HEXB: variants seen among roughly 807,000 people sequenced by gnomAD.
The protein encoded by HEXB is hexosaminidase subunit beta.
HEXB carries 51 observed loss-of-function variants against 71.2 expected under a neutral mutation model. The ratio of observed to expected loss-of-function variants is 0.72; its 90% CI spans 0.57 to 0.90. The LOEUF is 0.90. HEXB is among the 40% of genes least tolerant of loss of function. The pLI, the probability that HEXB is intolerant of heterozygous loss-of-function variation, is 0.00. For missense variants in HEXB, 617 were observed against 677.0 expected (o/e 0.91, Z 0.98); for synonymous variants, 266 against 249.3 (o/e 1.07, Z -0.63).
At chr5:74,669,288 A>G (rs1007486324) in intron 1 of HEXB, among the ~76,000 whole-genome samples, 1 of 152,146 alleles carries the variant, frequency 6.6e-6, no homozygotes, top group African/African-American at 2.4e-5. Context: ...TCGACATACA[A>G]AATTTAATTT....
intron 1 of HEXB, among the ~76,000 whole-genome samples, chr5:74,643,025 A>C (rs1747935297): frequency 6.6e-6 from 1 of 152,232 alleles, no homozygotes; most frequent in Non-Finnish European, 1.5e-5. Context: ...ACAAGAGAAA[A>C]GAAATTAGCT....
At chr5:74,653,898 T>C (rs1420150252) in intron 1 of HEXB, among the ~76,000 whole-genome samples, 1 of 152,118 alleles carries the variant, frequency 6.6e-6, no homozygotes, top group African/African-American at 2.4e-5. Context: ...CAGAGACTAG[T>C]AGGGGTGTGG....
At chr5:74,713,119 G>A (rs17670605) in intron 6 of HEXB, among the ~76,000 whole-genome samples, 20,676 of 152,166 alleles carry the variant, frequency 0.14, 1,693 homozygotes, top group Admixed American at 0.2. Flanking sequence ...TTACATGGAA[G>A]TTGAAACAGC....
At chr5:74,709,711 C>T (rs1348131075) in intron 6 of HEXB, among the ~76,000 whole-genome samples, 3 of 152,192 alleles carry the variant, frequency 2.0e-5, no homozygotes, top group South Asian at 2.1e-4. Flanking sequence ...AATTCCTCCA[C>T]ACATATACTC....
chr5:74,645,488 G>A (rs973229271), intron 1 of HEXB, among the ~76,000 whole-genome samples: 4 of 152,168 alleles, frequency 2.6e-5, no homozygotes, highest in Non-Finnish European at 5.9e-5. Context: ...TCTTTGTCCC[G>A]TAAGTACTAA....
At chr5:74,705,089 C>CT in intron 5 of HEXB, 130 bp from the exon 6 acceptor site, 1 of 524,062 alleles carries the variant, frequency 1.9e-6, no homozygotes, top group Non-Finnish European at 3.3e-6. Context: ...GAGACCCTGT[C>CT]TCAAAAAAAA....
chr5:74,685,412 A>G lies in HEXB; in HGVS notation c.152A>G (p.Lys51Arg). 6.3e-7 allele frequency: 1 copy of G among 1,597,920 alleles called. No homozygotes were observed. The highest frequency in any genetic ancestry group is 8.5e-7 in the Non-Finnish European group (1 of 1,174,578). ...GCTCGGGCCCCGAGCGTCTCGGCCA[A>G]GCCGGGGCCGGCGCTGTGGCCCCTG... ...EAARAPSVSA[K>R]PGPALWPLPL... The change falls in exon 1 of 14, where the codon AAG becomes AGG. Residue 51 changes from lysine to arginine, a missense_variant. Coordinates refer to ENST00000261416, the MANE Select transcript of HEXB (RefSeq NM_000521.4).
intron 1 of HEXB, among the ~76,000 whole-genome samples, chr5:74,668,461 A>G (rs1483767097): frequency 6.6e-6 from 1 of 152,158 alleles, no homozygotes; most frequent in Non-Finnish European, 1.5e-5. Context: ...TGGCAAGAGA[A>G]TAGGATGTGC....
chr5:74,685,965 T>TGA (rs1434536796), intron 1 of HEXB, among the ~76,000 whole-genome samples: 1 of 152,104 alleles, frequency 6.6e-6, no homozygotes, highest in Non-Finnish European at 1.5e-5. Flanking sequence ...CCCCCAAAGC[T>TGA]GACTGTCATT....
intron 2 of HEXB, chr5:74,693,369 T>C: frequency 3.9e-6 from 2 of 512,312 alleles, no homozygotes; most frequent in Non-Finnish European, 7.1e-6. Context: ...GACTGGATGG[T>C]GGTGCTGTGA....
At chr5:74,682,183 C>A (rs899997369), upstream of HEXB, among the ~76,000 whole-genome samples, 1 of 152,142 alleles carries the variant, frequency 6.6e-6, no homozygotes, top group African/African-American at 2.4e-5. Flanking sequence ...ACGGTGAAAC[C>A]CCATCTCTAC....
At chr5:74,686,671 G>T (rs1477188668) in intron 1 of HEXB, among the ~76,000 whole-genome samples, 1 of 152,146 alleles carries the variant, frequency 6.6e-6, no homozygotes, top group Non-Finnish European at 1.5e-5. Context: ...AACTAAATGG[G>T]TATTATCAGT....
intron 5 of HEXB, among the ~76,000 whole-genome samples, chr5:74,701,650 C>G (rs945582564): frequency 2.0e-5 from 3 of 151,990 alleles, no homozygotes; most frequent in Non-Finnish European, 4.4e-5. Context: ...AAGTCTTAAA[C>G]TTAGGGAAAA....
chr5:74,674,252 C>T (rs1260292718), intron 1 of HEXB, among the ~76,000 whole-genome samples: 1 of 152,056 alleles, frequency 6.6e-6, no homozygotes. Flanking sequence ...TCTAAACAAA[C>T]TAGAACAAAG....
intron 6 of HEXB, 106 bp from the exon 7 acceptor site, chr5:74,713,400 G>A: frequency 9.6e-7 from 1 of 1,036,894 alleles, no homozygotes; most frequent in Non-Finnish European, 1.5e-6. Context: ...CATTGTCATA[G>A]TGAAAAAATT....
chr5:74,714,149 A>G (rs1396346868), intron 7 of HEXB, among the ~76,000 whole-genome samples: 2 of 152,074 alleles, frequency 1.3e-5, no homozygotes, highest in African/African-American at 2.4e-5. Flanking sequence ...GTTGTATTTT[A>G]TAAGTTGCAA....
chr5:74,691,597 A>G (rs1453851414), intron 2 of HEXB, among the ~76,000 whole-genome samples: 1 of 152,346 alleles, frequency 6.6e-6, no homozygotes, highest in African/African-American at 2.4e-5. Context: ...CCCTGTTTAT[A>G]TATCAACACA....
In HEXB at chr5:74,697,523, C is replaced by T. The variant is rs1406336221; in HGVS notation, c.669+417C>T. Among the ~76,000 whole-genome samples, 3 of 152,014 alleles carry T rather than the reference C, an allele frequency of 2.0e-5. No homozygotes were observed. In the East Asian group the frequency reaches 5.8e-4, roughly 29 times the overall value. ...GGTGGATCACCTGAGGTCAGGAGTT[C>T]GAGACCAGCCTGGCCAACATGGCCA... is the stretch of plus-strand genomic sequence containing the variant. On this transcript the variant is annotated intron_variant, in intron 5 of 13. Coordinates refer to ENST00000261416, the MANE Select transcript of HEXB (RefSeq NM_000521.4).
intron 8 of HEXB, 112 bp from the exon 9 acceptor site, chr5:74,716,475 A>C: frequency 1.5e-6 from 1 of 649,744 alleles, no homozygotes; most frequent in Non-Finnish European, 2.8e-6. Flanking sequence ...TACTACCTAC[A>C]AACTTTAATA....
Sources: allele counts gnomAD v4.1 joint callset (sites outside exome capture counted in the v4.1 genomes callset), GRCh38; gene constraint gnomAD v4.1.1; transcripts MANE v1.5; gene names NCBI Gene and HGNC (gene_info 2026-07-23, HGNC 2026-07-21).